ZFX: variants seen among roughly 807,000 people sequenced by gnomAD.
ZFX encodes zinc finger protein X-linked, also known as zinc finger X-chromosomal protein.
For synonymous variants in ZFX, 196 were observed against 226.8 expected (o/e 0.86, Z 1.22); for missense variants, 362 against 628.3 (o/e 0.58, Z 4.53).
Position 24,184,649 on chromosome X carries a change from C to T in ZFX, c.646+4879C>T, listed in dbSNP as rs182477666. Among the ~76,000 whole-genome samples the T allele has an allele frequency of 5.9e-3, 650 of 110,283 alleles. 1 individual carries two copies. Among genetic ancestry groups the T allele is most frequent in the Non-Finnish European group, 8.3e-3 (437 of 52,793 alleles). Reference sequence around the variant, plus strand: ...GTCATCTTTAGGCCCTGGGTTTCTTCTAATTTATATAGATTTTAATGTTCC... The same window carrying T: ...GTCATCTTTAGGCCCTGGGTTTCTTTTAATTTATATAGATTTTAATGTTCC... On this transcript the variant is annotated intron_variant, in intron 5 of 9. Coordinates refer to ENST00000304543, the MANE Select transcript of ZFX (RefSeq NM_003410.4).
At chrX:24,177,673 G>GT (rs1357200259) in intron 4 of ZFX, 10 of 747,657 alleles carry the variant, frequency 1.3e-5, no homozygotes, top group Non-Finnish European at 1.6e-5. Flanking sequence ...TTTGATCCTT[G>GT]TATGTCCTAG....
intron 3 of ZFX, among the ~76,000 whole-genome samples, chrX:24,166,250 T>G (rs1933985150): frequency 8.9e-6 from 1 of 112,390 alleles, no homozygotes; most frequent in South Asian, 3.6e-4. Context: ...GTTTGGACTC[T>G]TAGATTTTAA....
At chrX:24,177,943 A>G (rs767022181) in intron 4 of ZFX, 2 of 552,703 alleles carry the variant, frequency 3.6e-6, no homozygotes, top group East Asian at 3.5e-4. Context: ...TTTTTTTAAG[A>G]GACTTAGAGA....
chrX:24,180,061 G>A (rs1441637128), intron 5 of ZFX, among the ~76,000 whole-genome samples: 1 of 109,403 alleles, frequency 9.1e-6, no homozygotes, highest in Non-Finnish European at 1.9e-5. Context: ...GTGAAACCCC[G>A]TCTCTACTAA....
intron 5 of ZFX, among the ~76,000 whole-genome samples, chrX:24,206,662 C>A (rs936414282): frequency 4.6e-5 from 5 of 107,873 alleles, no homozygotes; most frequent in African/African-American, 1.4e-4. Context: ...GCTGGGATTA[C>A]AGGCATGATC....
At position 24,161,080 on chromosome X, in the gene ZFX, A is replaced by G. The variant is rs1279033567; in HGVS notation, c.-29+8250A>G. Among the ~76,000 whole-genome samples, 24 of 112,028 alleles carry G rather than the reference A, an allele frequency of 2.1e-4. No individual in the cohort carries two copies. In the Admixed American group the frequency reaches 2.3e-3, roughly 11 times the overall value. ...GCAAAAATCAACTCTGTTTCTCTATACCAGCAGCAAACAATTTGAAAATCA... is the reference window on the plus strand; with the variant it reads ...GCAAAAATCAACTCTGTTTCTCTATGCCAGCAGCAAACAATTTGAAAATCA... On this transcript the variant is annotated intron_variant, in intron 3 of 9. Coordinates refer to ENST00000304543, the MANE Select transcript of ZFX (RefSeq NM_003410.4).
At chrX:24,176,897 G>A (rs902358102) in intron 4 of ZFX, among the ~76,000 whole-genome samples, 1 of 111,532 alleles carries the variant, frequency 9.0e-6, no homozygotes, top group African/African-American at 3.3e-5. Flanking sequence ...AACTTTCTTT[G>A]CTTTTCTGTA....
At chrX:24,161,467 T>A (rs1420214659) in intron 3 of ZFX, among the ~76,000 whole-genome samples, 1 of 111,798 alleles carries the variant, frequency 8.9e-6, no homozygotes, top group Non-Finnish European at 1.9e-5. Context: ...GTTGGAAGAC[T>A]TAACACTAAC....
At chrX:24,173,145 AAG>A (rs2147528779) in intron 4 of ZFX, among the ~76,000 whole-genome samples, 1 of 112,343 alleles carries the variant, frequency 8.9e-6, no homozygotes, top group East Asian at 2.8e-4. Flanking sequence ...AAAAAAGAAA[AAG>A]AAAAAATATT....
At chrX:24,159,705 C>G (rs950022580) in intron 3 of ZFX, among the ~76,000 whole-genome samples, 1 of 111,623 alleles carries the variant, frequency 9.0e-6, no homozygotes, top group Non-Finnish European at 1.9e-5. Flanking sequence ...TGGTCTCGAA[C>G]TCCTGACCTC....
At chrX:24,205,150 A>G (rs992010853) in intron 5 of ZFX, among the ~76,000 whole-genome samples, 2 of 112,338 alleles carry the variant, frequency 1.8e-5, no homozygotes, top group Non-Finnish European at 3.8e-5. Context: ...TGTTGCAGGT[A>G]TTACAGACAA....
At position 24,216,191 on chromosome X, in the gene ZFX, T is replaced by C. The variant is rs1165646935; in HGVS notation, c.*4815T>C. The C allele has an allele frequency of 9.0e-6, 1 of 111,496 alleles. No homozygotes were observed. The highest frequency in any genetic ancestry group is 1.9e-5 in the Non-Finnish European group (1 of 53,092). 9.2% of individuals were successfully genotyped at this position (111,496 alleles called of 1,213,427 possible). ...CAACTTGTTTGAAGCTGGAGGTGAT[T>C]CGACTCCCTTCAGTGGTTCAACACT... On this transcript the variant is annotated 3_prime_UTR_variant, in exon 10 of 10. Transcript: ENST00000304543.
intron 7 of ZFX, 99 bp from the exon 8 acceptor site, chrX:24,208,119 C>G: frequency 9.5e-7 from 1 of 1,052,403 alleles, no homozygotes; most frequent in Non-Finnish European, 1.3e-6. Flanking sequence ...ATATTTGGAC[C>G]ATCTTTCCAT....
intron 5 of ZFX, among the ~76,000 whole-genome samples, chrX:24,184,229 G>A (rs144355590): frequency 1.3e-3 from 143 of 111,370 alleles, no homozygotes; most frequent in African/African-American, 4.6e-3. Flanking sequence ...TTACAAGACC[G>A]GGCAACCCAG....
At chrX:24,196,898 GGTTGGTTT>G (rs1390172634) in intron 5 of ZFX, among the ~76,000 whole-genome samples, 1 of 112,304 alleles carries the variant, frequency 8.9e-6, no homozygotes, top group Admixed American at 9.4e-5. Context: ...TTTGGCTGTA[GGTTGGTTT>G]GTTTGTTTGT....
rs1315407761 is a variant in ZFX, at chrX:24,211,022, A to T, written c.2064A>T (p.Lys688Asn). The T allele has an allele frequency of 8.2e-7, 1 of 1,212,168 alleles. No individual in the cohort carries two copies. The highest frequency in any genetic ancestry group is 2.2e-5 in the Admixed American group (1 of 46,085). The change falls in exon 10 of 10, where the codon AAA (lysine) becomes AAT (asparagine). Residue 688 changes from lysine (K) to asparagine (N), a missense_variant. Physicochemically the swap from Lys to Asn is moderately conservative, Grantham distance 94 (BLOSUM62 0). Coordinates refer to ENST00000304543, the MANE Select transcript of ZFX (RefSeq NM_003410.4). ...ACGTGGCTGCCCACAAGGGCAAAAA[A>T]ATGCACCAGTGTAGACATTGTGACT... Reference protein sequence around the residue: ...KKHVAAHKGKKMHQCRHCDFK... With the variant: ...KKHVAAHKGKNMHQCRHCDFK...
chrX:24,171,958 G>C (rs1303154489), intron 3 of ZFX, among the ~76,000 whole-genome samples: 1 of 109,834 alleles, frequency 9.1e-6, no homozygotes, highest in Non-Finnish European at 1.9e-5. Context: ...CAGACAGACA[G>C]ACACTGATTC....
intron 5 of ZFX, among the ~76,000 whole-genome samples, chrX:24,206,532 TGTG>T: frequency 1.0e-5 from 1 of 98,170 alleles, no homozygotes; most frequent in African/African-American, 4.0e-5. Flanking sequence ...TGTGTGTGTG[TGTG>T]TGTGTGTGTG....
In ZFX at chrX:24,179,453, A is replaced by G. The variant is rs768273851; in HGVS notation, c.329A>G (p.His110Arg). The change falls in exon 5 of 10, where the codon CAT becomes CGT. Residue 110 changes from histidine to arginine, a missense_variant. Transcript: ENST00000304543. ...SDVTEEVSLA[H>R]CTVPDDVLAS... Reference sequence around the variant, plus strand: ...GTAACTGAAGAAGTTTCTTTAGCACATTGCACAGTCCCAGATGATGTTTTA... The same window carrying G: ...GTAACTGAAGAAGTTTCTTTAGCACGTTGCACAGTCCCAGATGATGTTTTA... 2.1e-5 allele frequency: 26 copies of G among 1,212,375 alleles called. No individual in the cohort carries two copies. In the East Asian group the frequency reaches 7.4e-4, roughly 34 times the overall value.
Sources: gnomAD v4.1 joint callset for allele counts (sites outside exome capture counted in the v4.1 genomes callset) on GRCh38, gnomAD v4.1.1 for gene constraint, MANE v1.5 for transcripts, NCBI Gene and HGNC (gene_info 2026-07-23, HGNC 2026-07-21) for gene names.